ARF4: variants seen among roughly 807,000 people sequenced by gnomAD.
ARF4 encodes the protein ARF GTPase 4.
Under a neutral mutation model 24.3 loss-of-function variants are expected in ARF4, and 5 were observed. That is an observed-to-expected ratio of 0.21 (90% CI 0.11 to 0.43). The LOEUF is 0.43. Ranked by LOEUF, ARF4 falls within the 20% of genes least tolerant of loss-of-function variation. The pLI is 1.00. For synonymous variants in ARF4, 62 were observed against 73.5 expected (o/e 0.84, Z 0.80); for missense variants, 107 against 213.0 (o/e 0.50, Z 3.10).
At chr3:57,583,171 G>A (rs2069996778) in intron 3 of ARF4, among the ~76,000 whole-genome samples, 1 of 152,190 alleles carries the variant, frequency 6.6e-6, no homozygotes, top group African/African-American at 2.4e-5. Context: ...GAACTTGCTA[G>A]AAATACAGAA....
chr3:57,595,021 A>T (rs1279320333), intron 1 of ARF4, among the ~76,000 whole-genome samples: 1 of 152,236 alleles, frequency 6.6e-6, no homozygotes, highest in African/African-American at 2.4e-5. Flanking sequence ...GCAAAACGAT[A>T]GCATGCCTGA....
intron 3 of ARF4, among the ~76,000 whole-genome samples, chr3:57,582,904 A>G (rs1036562676): frequency 2.0e-5 from 3 of 152,184 alleles, no homozygotes; most frequent in Non-Finnish European, 4.4e-5. Context: ...TATGTAAGAG[A>G]GTTAGATTAG....
intron 1 of ARF4, among the ~76,000 whole-genome samples, chr3:57,590,587 G>T (rs1394385289): frequency 6.6e-6 from 1 of 152,190 alleles, no homozygotes; most frequent in Admixed American, 6.5e-5. Context: ...TTTTCAGATG[G>T]ATAAAAAGAT....
At chr3:57,589,705 G>A (rs371189716) in intron 1 of ARF4, among the ~76,000 whole-genome samples, 260 of 146,378 alleles carry the variant, frequency 1.8e-3, no homozygotes, top group African/African-American at 6.0e-3. Context: ...GCAACAAAGC[G>A]AGACTCCGTC....
intron 1 of ARF4, among the ~76,000 whole-genome samples, chr3:57,590,101 A>G (rs2070091351): frequency 7.0e-6 from 1 of 143,282 alleles, no homozygotes; most frequent in Non-Finnish European, 1.5e-5. Context: ...ATAAATAAAT[A>G]AATAAATAAA....
chr3:57,578,394 A>AG (rs1206072776), intron 3 of ARF4, among the ~76,000 whole-genome samples: 3 of 151,910 alleles, frequency 2.0e-5, no homozygotes, highest in Non-Finnish European at 1.5e-5. Flanking sequence ...ATCTCTTAAA[A>AG]AAAAAAAGAA....
At chr3:57,594,367 C>T (rs2070156010) in intron 1 of ARF4, among the ~76,000 whole-genome samples, 1 of 152,162 alleles carries the variant, frequency 6.6e-6, no homozygotes, top group Non-Finnish European at 1.5e-5. Flanking sequence ...GGATAATAGG[C>T]GTGAGCCACC....
chr3:57,594,390 A>T (rs537410848), intron 1 of ARF4, among the ~76,000 whole-genome samples: 2 of 152,330 alleles, frequency 1.3e-5, no homozygotes, highest in South Asian at 4.1e-4. Context: ...ACCTGGCCAG[A>T]AGCTATTGCT....
chr3:57,582,380 T>C (rs1426688165), intron 3 of ARF4, among the ~76,000 whole-genome samples: 1 of 151,714 alleles, frequency 6.6e-6, no homozygotes, highest in Non-Finnish European at 1.5e-5. Context: ...GTAGCTGGGA[T>C]CACAGGTGCG....
rs546488516 is a variant in ARF4 at position 57,572,038 on chromosome 3, T to A, written c.*174A>T. On this transcript the variant is annotated 3_prime_UTR_variant, in exon 6 of 6. Coordinates refer to ENST00000303436, the MANE Select transcript of ARF4 (RefSeq NM_001660.4). Reference sequence around the variant, plus strand: ...GAGAATTTCTTTAAAACCAAGCACATTGCTAAATAGCAACATTATACTCGG... The same window carrying A: ...GAGAATTTCTTTAAAACCAAGCACAATGCTAAATAGCAACATTATACTCGG... 4 of 532,302 alleles carry A rather than the reference T, an allele frequency of 7.5e-6. No individual in the cohort carries two copies. The highest frequency in any genetic ancestry group is 1.3e-5 in the Non-Finnish European group (4 of 298,702). The allele number at this position is 532,302 out of a possible 1,614,324, so 33.0% of individuals were successfully genotyped here.
At position 57,580,733 on chromosome 3, in the gene ARF4, G is replaced by A. The variant is rs73084408; in HGVS notation, c.258+3165C>T. Among the ~76,000 whole-genome samples, 1,309 of 151,600 alleles carry A rather than the reference G, an allele frequency of 8.6e-3. 14 individuals are homozygous for A. The highest frequency in any genetic ancestry group is 0.05 in the South Asian group (240 of 4,768). On this transcript the variant is annotated intron_variant, in intron 3 of 5. Transcript: ENST00000303436. Reference sequence around the variant, plus strand: ...TTACAAGAGGTAATGCCCCTAAAAGGGACCTAATTTTATTTTGACTGCTAA... The same window carrying A: ...TTACAAGAGGTAATGCCCCTAAAAGAGACCTAATTTTATTTTGACTGCTAA...
At chr3:57,574,839 G>A (rs987716980) in intron 5 of ARF4, among the ~76,000 whole-genome samples, 35 of 151,902 alleles carry the variant, frequency 2.3e-4, no homozygotes, top group Middle Eastern at 3.4e-3. Flanking sequence ...GCAACAAAGC[G>A]AGACCCCCCA....
rs1244212601 is a variant in ARF4, at chr3:57,578,251, A to G, written c.259-864T>C. Among the ~76,000 whole-genome samples the G allele has an allele frequency of 6.4e-4, 98 of 151,966 alleles. 1 individual carries two copies. The highest frequency in any genetic ancestry group is 1.2e-4 in the Non-Finnish European group (8 of 67,960). On this transcript the variant is annotated intron_variant, in intron 3 of 5. Transcript: ENST00000303436. ...CTAGATCAGGAAGACATCTTAAGAAAATGATAGCAAGAAAAATCCAAGACT... is the reference window on the plus strand; with the variant it reads ...CTAGATCAGGAAGACATCTTAAGAAGATGATAGCAAGAAAAATCCAAGACT...
chr3:57,591,837 A>T (rs1193461199), intron 1 of ARF4, among the ~76,000 whole-genome samples: 3 of 152,218 alleles, frequency 2.0e-5, no homozygotes, highest in Non-Finnish European at 4.4e-5. Context: ...TCATGATTCC[A>T]TTAAATGAAG....
intron 1 of ARF4, among the ~76,000 whole-genome samples, chr3:57,590,132 T>TAAATAAATAAATAAAA (rs1345672681): frequency 1.6e-4 from 22 of 136,320 alleles, no homozygotes; most frequent in Admixed American, 4.5e-4. Context: ...AATAAATAAA[T>TAAATAAATAAATAAAA]AAAACAAAAA....
At chr3:57,574,426 A>T (rs199851479) in intron 5 of ARF4, among the ~76,000 whole-genome samples, 4 of 78,278 alleles carry the variant, frequency 5.1e-5, no homozygotes, top group Non-Finnish European at 3.1e-5. Flanking sequence ...TTTTTTTTTT[A>T]AAGAAACAGT....
intron 4 of ARF4, among the ~76,000 whole-genome samples, chr3:57,576,485 G>T (rs1270397139): frequency 6.8e-6 from 1 of 147,578 alleles, no homozygotes; most frequent in Admixed American, 6.8e-5. Context: ...TATAGTGTGT[G>T]AAGTATGTCT....
Position 57,597,084 on chromosome 3 carries a change from G to A in ARF4, c.57C>T (p.Arg19=). 1 of 1,613,982 alleles carries A rather than the reference G, an allele frequency of 6.2e-7. No individual in the cohort carries two copies. The highest frequency in any genetic ancestry group is 2.2e-5 in the East Asian group (1 of 44,882). ...CAGCCCCTCACTCACCCATCAAAAT[G>A]CGCATCTGCTTCTTGCCAAATAGTC... ...FSRLFGKKQM[R]ILMVGLDAAG... The change falls in exon 1 of 6, where the codon CGC becomes CGT. Residue 19 remains arginine (R), a synonymous_variant. Transcript: ENST00000303436.
At chr3:57,591,405 A>G (rs1388422116) in intron 1 of ARF4, among the ~76,000 whole-genome samples, 1 of 152,020 alleles carries the variant, frequency 6.6e-6, no homozygotes, top group Non-Finnish European at 1.5e-5. Flanking sequence ...TGAAAAGGAA[A>G]AAAAAAAGAA....
Sources: gnomAD v4.1 joint callset for allele counts (sites outside exome capture counted in the v4.1 genomes callset) on GRCh38, gnomAD v4.1.1 for gene constraint, MANE v1.5 for transcripts, NCBI Gene and HGNC (gene_info 2026-07-23, HGNC 2026-07-21) for gene names.